Variants in ZC3H7B observed in about 807,000 individuals in gnomAD.
ZC3H7B encodes zinc finger CCCH-type containing 7B, also known as zinc finger CCCH domain-containing protein 7B.
A neutral mutation model predicts 116.0 loss-of-function variants in ZC3H7B; 35 were observed. The observed-to-expected ratio is 0.30, with a 90% CI of 0.23 to 0.40. ZC3H7B has a LOEUF of 0.40. Among genes scored for constraint, ZC3H7B ranks in the 10% least tolerant of loss-of-function variants. ZC3H7B has a pLI of 1.00. For synonymous variants in ZC3H7B, 502 were observed against 545.6 expected, an observed-to-expected ratio of 0.92 and a Z score of 1.11; for missense variants, 1,011 against 1,321.5, an observed-to-expected ratio of 0.77 and a Z score of 3.64.
rs946425634 is a variant in ZC3H7B, at chr22:41,353,572, G to A, written c.2035-1897G>A. 4.6e-5 allele frequency among the ~76,000 whole-genome samples: 7 copies of A among 152,210 alleles called. No homozygotes were observed. In the South Asian group the frequency reaches 6.2e-4, roughly 14 times the overall value. On this transcript the variant is annotated intron_variant, in intron 17 of 22. Transcript: ENST00000352645. ...CAGGAGACAGTAAGTGTGAGATGAG[G>A]CCTCTGTGCCATCCAGGCATGAGCA...
intron 2 of ZC3H7B, among the ~76,000 whole-genome samples, chr22:41,322,956 T>C (rs556611754): frequency 4.6e-5 from 7 of 152,192 alleles, no homozygotes; most frequent in Admixed American, 1.3e-4. Flanking sequence ...TTCTCACCCA[T>C]GTCACCGCAG....
intron 1 of ZC3H7B, among the ~76,000 whole-genome samples, chr22:41,316,477 G>A (rs1232110185): frequency 6.6e-6 from 1 of 150,778 alleles, no homozygotes; most frequent in African/African-American, 2.4e-5. Flanking sequence ...TGTATTTTTA[G>A]TAGAGACAGG....
rs750334042 is a variant in ZC3H7B at position 41,349,260 on chromosome 22, G to C, written c.1907G>C (p.Ser636Thr). The change falls in exon 16 of 23, where the codon AGC becomes ACC. Residue 636 changes from serine (S) to threonine (T), a missense_variant. Physicochemically the swap from Ser to Thr is moderately conservative, Grantham distance 58. Around this residue, in one of 5 missense-constraint regions of ZC3H7B, gnomAD observed 406 missense variants for 590.2 expected, o/e 0.69. Transcript: ENST00000352645. The surrounding 1 kb of genome is among the most constrained non-coding windows in gnomAD (Gnocchi z 4.9). Reference sequence around the variant, plus strand: ...GAGGACAGCTGCCACTTCGCCCACAGCTTCATCGAGCTCAAGGTCTGGCTG... The same window carrying C: ...GAGGACAGCTGCCACTTCGCCCACACCTTCATCGAGCTCAAGGTCTGGCTG... ...LREDSCHFAH[S>T]FIELKVWLLQ... The C allele has an allele frequency of 2.5e-6, 4 of 1,613,774 alleles. No homozygotes were observed. Among genetic ancestry groups the C allele is most frequent in the East Asian group, 2.2e-5 (1 of 44,874 alleles).
chr22:41,315,354 T>TG (rs985749383), intron 1 of ZC3H7B, among the ~76,000 whole-genome samples: 2 of 147,690 alleles, frequency 1.4e-5, no homozygotes, highest in African/African-American at 2.5e-5. Context: ...TTTCTAGTGT[T>TG]TTTTTTTTTT....
chr22:41,354,266 A>G (rs1049052105), intron 17 of ZC3H7B, among the ~76,000 whole-genome samples: 9 of 152,218 alleles, frequency 5.9e-5, no homozygotes, highest in African/African-American at 2.2e-4. Flanking sequence ...ATGGAGGGGA[A>G]CACCCAGAAG....
intron 5 of ZC3H7B, among the ~76,000 whole-genome samples, chr22:41,329,035 A>C (rs1443583661): frequency 1.5e-5 from 2 of 137,386 alleles, no homozygotes; most frequent in Admixed American, 7.0e-5. Flanking sequence ...AAAATACAAA[A>C]AAAAAAAAAA....
In ZC3H7B at chr22:41,357,208, G is replaced by T; in HGVS notation, c.2713G>T (p.Asp905Tyr). Residue 905 changes from aspartate (D) to tyrosine (Y), a missense_variant, in exon 23 of 23, where the codon GAC (aspartate) becomes TAC (tyrosine). This residue lies in a region of ZC3H7B where 406 missense variants were observed against 590.2 expected (regional missense o/e 0.69). Coordinates refer to ENST00000352645, the MANE Select transcript of ZC3H7B (RefSeq NM_017590.6). This position sits in a 1 kb window ranked among gnomAD's most constrained non-coding sequence, Gnocchi z 5.4. The stretch of plus-strand genomic sequence containing the variant: ...GAAGGGCAAAGCCTGCCCAGATGGG[G>T]ACAAGTGCCGCTGCGCCCATGGACA... ...LQKGKACPDG[D>Y]KCRCAHGQEE... 1 of 1,613,642 alleles carries T rather than the reference G, an allele frequency of 6.2e-7. No individual in the cohort carries two copies.
Position 41,340,132 on chromosome 22 carries a change from TC to T in ZC3H7B, c.1134del (p.Phe378LeufsTer111). On this transcript the variant is annotated frameshift_variant, in exon 10 of 23. Coordinates refer to ENST00000352645, the MANE Select transcript of ZC3H7B (RefSeq NM_017590.6). LOFTEE classifies it high-confidence loss of function. ...TRGSLDKPDSFMEETNSQDHR... is the reference protein window; with the variant it reads ...TRGSLDKPDSXMEETNSQDHR... ...GGCTCCCTGGACAAACCTGACTCCT[TC>T]ATGGGTAAGGCCATGGGTGGGCCCG... is the stretch of plus-strand genomic sequence containing the variant. The T allele has an allele frequency of 6.2e-7, 1 of 1,601,860 alleles. No homozygotes were observed. The highest frequency in any genetic ancestry group is 8.5e-7 in the Non-Finnish European group (1 of 1,173,514).
At chr22:41,330,283 A>T (rs1243759715) in intron 6 of ZC3H7B, among the ~76,000 whole-genome samples, 180 bp downstream of exon 6, 1 of 152,250 alleles carries the variant, frequency 6.6e-6, no homozygotes, top group African/African-American at 2.4e-5. Flanking sequence ...TCGGAAAAGG[A>T]GAGAGCAGCC....
At chr22:41,332,415 T>G in intron 7 of ZC3H7B, 188 bp downstream of exon 7, 6 of 692,540 alleles carry the variant, frequency 8.7e-6, no homozygotes, top group Non-Finnish European at 1.4e-5. Flanking sequence ...GGAGTGGTCA[T>G]TGCCGGGGAG....
chr22:41,319,534 C>T (rs1483863297), intron 1 of ZC3H7B, among the ~76,000 whole-genome samples: 6 of 147,608 alleles, frequency 4.1e-5, no homozygotes, highest in African/African-American at 1.0e-4. Flanking sequence ...CACACCACTG[C>T]ACTCCAGCCT....
chr22:41,334,226 A>T (rs560854008), intron 7 of ZC3H7B: 2 of 152,396 alleles, frequency 1.3e-5, no homozygotes, highest in Admixed American at 6.5e-5. Flanking sequence ...ACCCAGTGTC[A>T]GTTCAGACAC....
intron 16 of ZC3H7B, among the ~76,000 whole-genome samples, chr22:41,350,469 G>C (rs977062974): frequency 6.6e-6 from 1 of 152,222 alleles, no homozygotes; most frequent in Non-Finnish European, 1.5e-5. Context: ...GGAGATCAGG[G>C]AGGGTGGCTC....
At chr22:41,339,409 T>C (rs754877616) in intron 9 of ZC3H7B, among the ~76,000 whole-genome samples, 2 of 152,058 alleles carry the variant, frequency 1.3e-5, no homozygotes, top group Admixed American at 6.5e-5. Flanking sequence ...GCGGATTACT[T>C]GAGGTCAGGA....
chr22:41,357,160 C>T lies in ZC3H7B; in HGVS notation c.2682-17C>T, dbSNP rs369060211. 105 of 1,610,514 alleles carry T rather than the reference C, an allele frequency of 6.5e-5. No homozygotes were observed. In the African/African-American group the frequency reaches 1.2e-3, roughly 19 times the overall value. On this transcript the variant is annotated splice_polypyrimidine_tract_variant and intron_variant, in intron 22 of 22. Transcript: ENST00000352645. The surrounding 1 kb of genome is among the most constrained non-coding windows in gnomAD (Gnocchi z 5.4). ...AAGGGCACAGAGCTCGGGCAGTGAG[C>T]CTCCTGCCACCCACAGGCTCCAGAA...
rs1156402965 is a variant in ZC3H7B, at chr22:41,355,754, C to T, written c.2169-3C>T. 6.2e-7 allele frequency: 1 copy of T among 1,613,984 alleles called. No homozygotes were observed. Among genetic ancestry groups the T allele is most frequent in the East Asian group, 2.2e-5 (1 of 44,886 alleles). On this transcript the variant is annotated splice_polypyrimidine_tract_variant and splice_region_variant and intron_variant, in intron 18 of 22. Transcript: ENST00000352645. ...CTCTCCCCAACCCTGCTCTGTCCTG[C>T]AGCTGGACCAAGGAGCGGCGGGTCC...
intron 5 of ZC3H7B, among the ~76,000 whole-genome samples, chr22:41,329,031 CAAAAAAAAAAAAA>C (rs905189346): frequency 7.4e-5 from 3 of 40,482 alleles, no homozygotes; most frequent in East Asian, 9.7e-4. Context: ...TACTAAAATA[CAAAAAAAAAAAAA>C]AAAAAAAAAA....
In ZC3H7B at chr22:41,351,361, G is replaced by A. The variant is rs563563128; in HGVS notation, c.1949-200G>A. Among the ~76,000 whole-genome samples the A allele has an allele frequency of 1.3e-5, 2 of 152,332 alleles. No individual in the cohort carries two copies. The highest frequency in any genetic ancestry group is 2.9e-5 in the Non-Finnish European group (2 of 68,032). ...GCTGCATTTAATTCTTTCACTTCCA[G>A]TGAGGCTCGGAGCAGGTCTTTGTTC... On this transcript the variant is annotated intron_variant, in intron 16 of 22. Coordinates refer to ENST00000352645, the MANE Select transcript of ZC3H7B (RefSeq NM_017590.6). This position sits in a 1 kb window ranked among gnomAD's most constrained non-coding sequence, Gnocchi z 5.1.
At position 41,349,947 on chromosome 22, in the gene ZC3H7B, C is replaced by T. The variant is rs1406241138; in HGVS notation, c.1948+646C>T. On this transcript the variant is annotated intron_variant, in intron 16 of 22. Transcript: ENST00000352645. This position sits in a 1 kb window ranked among gnomAD's most constrained non-coding sequence, Gnocchi z 4.9. ...ATTTAATTAGCAGCATTTTGTGGGG[C>T]GGGGATTTAAAATATGGTACATATA... Among the ~76,000 whole-genome samples the T allele has an allele frequency of 1.3e-5, 2 of 152,120 alleles. No individual in the cohort carries two copies. The highest frequency in any genetic ancestry group is 2.9e-5 in the Non-Finnish European group (2 of 68,032).
Sources: allele counts gnomAD v4.1 joint callset (sites outside exome capture counted in the v4.1 genomes callset), GRCh38; gene constraint gnomAD v4.1.1; regional missense constraint gnomAD v4.1.1; non-coding constraint Gnocchi (gnomAD v3.1); transcripts MANE v1.5; gene names NCBI Gene and HGNC (gene_info 2026-07-23, HGNC 2026-07-21).